Variants in GON4L observed in about 807,000 individuals in gnomAD.
GON4L encodes the protein gon-4 like.
In GON4L, 87 loss-of-function variants were observed where a neutral mutation model predicts 211.8. The observed-to-expected ratio is 0.41, with a 90% CI of 0.35 to 0.49. The LOEUF is 0.49. Among genes scored for constraint, GON4L ranks in the 20% least tolerant of loss-of-function variants. GON4L has a pLI of 0.15. For synonymous variants in GON4L, 875 were observed against 962.6 expected, an observed-to-expected ratio of 0.91 and a Z score of 1.68; for missense variants, 2,155 against 2,659.5, an observed-to-expected ratio of 0.81 and a Z score of 4.17.
At chr1:155,857,616 C>A (rs1203516324), upstream of GON4L, among the ~76,000 whole-genome samples, 1 of 152,168 alleles carries the variant, frequency 6.6e-6, no homozygotes, top group African/African-American at 2.4e-5. Flanking sequence ...GTAATCCCAG[C>A]TACTCCGGAG....
downstream of GON4L, among the ~76,000 whole-genome samples, chr1:155,745,387 T>G (rs1381836850): frequency 6.6e-6 from 1 of 152,170 alleles, no homozygotes; most frequent in Non-Finnish European, 1.5e-5. Context: ...TCTGAAGAGA[T>G]GAGGGGGCAT....
chr1:155,844,721 G>T (rs977434377), intron 2 of GON4L, among the ~76,000 whole-genome samples: 2 of 152,054 alleles, frequency 1.3e-5, no homozygotes, highest in African/African-American at 4.8e-5. Flanking sequence ...TCACACCACT[G>T]CACTCCAGCC....
chr1:155,791,932 C>CATAACATAAT (rs1553205804), intron 12 of GON4L, among the ~76,000 whole-genome samples: 14,266 of 133,116 alleles, frequency 0.11, 1,948 homozygotes, highest in Admixed American at 0.16. Context: ...CATCACATAA[C>CATAACATAAT]ATAACATAAC....
intron 21 of GON4L, among the ~76,000 whole-genome samples, chr1:155,763,823 T>C (rs1228776518): frequency 3.3e-5 from 5 of 151,956 alleles, no homozygotes; most frequent in Non-Finnish European, 5.9e-5. Flanking sequence ...GCCAACATGA[T>C]GAAACCACGT....
Position 155,818,546 on chromosome 1 carries a change from G to A in GON4L, c.1014+2060C>T, listed in dbSNP as rs539703373. On this transcript the variant is annotated intron_variant, in intron 6 of 31. Coordinates refer to ENST00000368331, the MANE Select transcript of GON4L (RefSeq NM_001282860.2). ...TGAAATTTCAATTTATGCAACAAGA[G>A]TTAGTCAACCAGACCAAAAAAAGTG... is the stretch of plus-strand genomic sequence containing the variant. 4.6e-5 allele frequency among the ~76,000 whole-genome samples: 7 copies of A among 152,292 alleles called. No homozygotes were observed. In the East Asian group the frequency reaches 1.2e-3, roughly 25 times the overall value.
At chr1:155,771,583 G>A (rs547848132) in intron 18 of GON4L, among the ~76,000 whole-genome samples, 3 of 152,122 alleles carry the variant, frequency 2.0e-5, no homozygotes, top group Admixed American at 6.6e-5. Context: ...AGCGATTCCC[G>A]TACTTCATCC....
intron 19 of GON4L, among the ~76,000 whole-genome samples, chr1:155,768,894 T>C (rs1662859917): frequency 6.6e-6 from 1 of 152,230 alleles, no homozygotes; most frequent in Non-Finnish European, 1.5e-5. Context: ...TGATAAACCG[T>C]ATTCTGCTGC....
At chr1:155,809,987 T>C (rs1667572758) in intron 10 of GON4L, among the ~76,000 whole-genome samples, 1 of 26,442 alleles carries the variant, frequency 3.8e-5, no homozygotes, top group African/African-American at 7.0e-5. Flanking sequence ...TATATATATA[T>C]ATAATTATAT....
At chr1:155,818,082 AT>A (rs1055491498) in intron 6 of GON4L, among the ~76,000 whole-genome samples, 14 of 151,388 alleles carry the variant, frequency 9.2e-5, no homozygotes, top group Admixed American at 2.6e-4. Flanking sequence ...ATCTCCTTGG[AT>A]TTTTTTTCCC....
intron 1 of GON4L, among the ~76,000 whole-genome samples, chr1:155,855,701 G>T (rs958961177): frequency 6.6e-6 from 1 of 152,136 alleles, no homozygotes; most frequent in South Asian, 2.1e-4. Context: ...AACTGATAGT[G>T]GCTTGGTGCA....
intron 10 of GON4L, among the ~76,000 whole-genome samples, chr1:155,807,977 G>A (rs1410503214): frequency 4.0e-5 from 6 of 151,872 alleles, no homozygotes; most frequent in East Asian, 3.9e-4. Context: ...TTTCCCACAC[G>A]TTAACCAAAA....
At chr1:155,782,348 TTACTG>T (rs1479394638) in intron 14 of GON4L, among the ~76,000 whole-genome samples, 1 of 152,200 alleles carries the variant, frequency 6.6e-6, no homozygotes, top group Non-Finnish European at 1.5e-5. Flanking sequence ...CTCCATAAGA[TTACTG>T]TACCTTTTCT....
intron 10 of GON4L, among the ~76,000 whole-genome samples, chr1:155,808,279 T>C (rs1284446106): frequency 6.6e-6 from 1 of 152,112 alleles, no homozygotes; most frequent in Non-Finnish European, 1.5e-5. Flanking sequence ...CCTCAGGTGA[T>C]CCACCCGCCT....
chr1:155,832,104 A>G (rs569959576), intron 2 of GON4L, among the ~76,000 whole-genome samples: 2 of 151,420 alleles, frequency 1.3e-5, no homozygotes, highest in Admixed American at 6.6e-5. Flanking sequence ...GCGAAACCCT[A>G]TCTCTACTAA....
At position 155,853,638 on chromosome 1, in the gene GON4L, G is replaced by C. The variant is rs756898398; in HGVS notation, c.143C>G (p.Ser48Cys). 30 of 1,614,176 alleles carry C rather than the reference G, an allele frequency of 1.9e-5. No homozygotes were observed. Among genetic ancestry groups the C allele is most frequent in the Non-Finnish European group, 2.5e-5 (30 of 1,180,000 alleles). ...QVKDLSSVSL[S>C]WDPSHGRVAG... ...TACTCTGCCATGACTTGGATCCCAG[G>C]ATAGTGACACCGAACTCAAGTCCTT... Residue 48 changes from serine (S) to cysteine (C), a missense_variant, in exon 2 of 32, where the codon TCC (serine) becomes TGC (cysteine). By Grantham distance (112) the Ser-to-Cys change is moderately radical. Around this residue, in one of 6 missense-constraint regions of GON4L, gnomAD observed 313 missense variants for 293.2 expected, o/e 1.07. Transcript: ENST00000368331.
intron 2 of GON4L, among the ~76,000 whole-genome samples, chr1:155,828,346 CCAGGCATGGTGG>C (rs1331813995): frequency 6.6e-6 from 1 of 151,578 alleles, no homozygotes; most frequent in East Asian, 1.9e-4. Context: ...CAAAAATAAG[CCAGGCATGGTGG>C]CAGGCACCTG....
chr1:155,764,069 A>G (rs1662148625), intron 21 of GON4L, among the ~76,000 whole-genome samples: 2 of 152,122 alleles, frequency 1.3e-5, no homozygotes, highest in South Asian at 2.1e-4. Flanking sequence ...AGACAAAAAA[A>G]AGAAATCCCA....
intron 12 of GON4L, among the ~76,000 whole-genome samples, chr1:155,791,434 T>C (rs1171692941): frequency 6.6e-6 from 1 of 151,578 alleles, no homozygotes; most frequent in Non-Finnish European, 1.5e-5. Context: ...CACCAAGGCT[T>C]TGGAGAAGAA....
At chr1:155,799,682 T>G (rs973467695) in intron 11 of GON4L, among the ~76,000 whole-genome samples, 2 of 152,140 alleles carry the variant, frequency 1.3e-5, no homozygotes, top group Non-Finnish European at 2.9e-5. Flanking sequence ...TACATATCCA[T>G]ACACTCTTCA....
Sources: allele counts gnomAD v4.1 joint callset (sites outside exome capture counted in the v4.1 genomes callset), GRCh38; gene constraint gnomAD v4.1.1; regional missense constraint gnomAD v4.1.1; transcripts MANE v1.5; gene names NCBI Gene and HGNC (gene_info 2026-07-23, HGNC 2026-07-21).